XRCC2: variants seen among roughly 807,000 people sequenced by gnomAD.
The protein encoded by XRCC2 is DNA repair protein XRCC2.
A neutral mutation model predicts 27.3 loss-of-function variants in XRCC2; 24 were observed. The observed-to-expected ratio is 0.88, with a 90% CI of 0.64 to 1.24. The LOEUF is 1.24. Among genes scored for constraint, XRCC2 ranks in the 50% most tolerant of loss-of-function variants. XRCC2 has a pLI of 0.00. For synonymous variants in XRCC2, 106 were observed against 115.4 expected (o/e 0.92, Z 0.52); for missense variants, 321 against 325.8 (o/e 0.99, Z 0.11).
At chr7:152,657,971 T>G (rs866115055) in intron 2 of XRCC2, among the ~76,000 whole-genome samples, 1 of 150,370 alleles carries the variant, frequency 6.7e-6, no homozygotes, top group African/African-American at 2.5e-5. Context: ...TTTTTTTTTT[T>G]CTTTTTCTTT....
At chr7:152,650,021 G>C (rs1479488642) in intron 2 of XRCC2, among the ~76,000 whole-genome samples, 1 of 152,182 alleles carries the variant, frequency 6.6e-6, no homozygotes, top group Non-Finnish European at 1.5e-5. Flanking sequence ...GCCACGCACA[G>C]CCTGCCTCTG....
intron 1 of XRCC2, among the ~76,000 whole-genome samples, chr7:152,666,013 G>T (rs2098035468): frequency 6.6e-6 from 1 of 151,984 alleles, no homozygotes; most frequent in Admixed American, 6.6e-5. Flanking sequence ...CATTAAGCCA[G>T]ATATTAAAAA....
At chr7:152,649,681 T>C (rs979895343) in intron 2 of XRCC2, among the ~76,000 whole-genome samples, 5 of 152,176 alleles carry the variant, frequency 3.3e-5, no homozygotes, top group Non-Finnish European at 7.3e-5. Context: ...ACACACCCTT[T>C]CTGGTAGTTG....
chr7:152,648,244 TAAA>T lies in XRCC2; in HGVS notation c.*395_*397del, dbSNP rs373346934. 0.014 allele frequency: 2,126 copies of T among 155,692 alleles called. 46 individuals are homozygous for T. Among genetic ancestry groups the T allele is most frequent in the African/African-American group, 0.048 (1,998 of 41,486 alleles). The allele number at this position is 155,692 out of a possible 1,614,324, so 9.6% of individuals were successfully genotyped here. ...CAACATGGTGAAACCCCGTCTCTAT[TAAA>T]AATACAAAAATTAGCCAGGCGTGGT... On this transcript the variant is annotated 3_prime_UTR_variant, in exon 3 of 3. Transcript: ENST00000359321.
intron 1 of XRCC2, among the ~76,000 whole-genome samples, chr7:152,670,012 AAG>A (rs1175513340): frequency 6.6e-6 from 1 of 152,124 alleles, no homozygotes; most frequent in East Asian, 1.9e-4. Context: ...GAGGGCATAA[AAG>A]AGAGTTGGCC....
At chr7:152,673,075 T>TA (rs1196303549) in intron 1 of XRCC2, among the ~76,000 whole-genome samples, 2 of 152,240 alleles carry the variant, frequency 1.3e-5, no homozygotes, top group Non-Finnish European at 2.9e-5. Context: ...TGGATTGTTC[T>TA]ATTGTAAACT....
chr7:152,658,715 C>CCA (rs3218481), intron 2 of XRCC2, among the ~76,000 whole-genome samples: 144,278 of 152,268 alleles, frequency 0.95, 68,406 homozygotes, highest in Admixed American at 0.96. Context: ...ATTTCATTTA[C>CCA]CAATGTCCTC....
chr7:152,667,428 A>ATG (rs140038610), intron 1 of XRCC2, among the ~76,000 whole-genome samples: 1 of 77,926 alleles, frequency 1.3e-5, no homozygotes, highest in Non-Finnish European at 2.4e-5. Flanking sequence ...AAAAAAAAAG[A>ATG]AAAAAAGTAT....
At chr7:152,676,017 C>T in intron 1 of XRCC2, 24 bp downstream of exon 1, 1 of 1,613,570 alleles carries the variant, frequency 6.2e-7, no homozygotes, top group South Asian at 1.1e-5. Flanking sequence ...CCATCTCCCT[C>T]ACTCCCAACC....
chr7:152,667,520 C>T (rs1053664150), intron 1 of XRCC2, among the ~76,000 whole-genome samples: 1 of 151,168 alleles, frequency 6.6e-6, no homozygotes, highest in Non-Finnish European at 1.5e-5. Context: ...CAATCTGCAT[C>T]AGACTTTCCA....
At chr7:152,671,133 T>G (rs1369567744) in intron 1 of XRCC2, among the ~76,000 whole-genome samples, 1 of 152,100 alleles carries the variant, frequency 6.6e-6, no homozygotes, top group African/African-American at 2.4e-5. Flanking sequence ...CAGAATCACT[T>G]GGATATGGGA....
intron 1 of XRCC2, among the ~76,000 whole-genome samples, chr7:152,664,573 C>A (rs1328628743): frequency 6.6e-6 from 1 of 152,176 alleles, no homozygotes; most frequent in Non-Finnish European, 1.5e-5. Context: ...CATTCTCGAG[C>A]CTTTAAAGCC....
intron 2 of XRCC2, among the ~76,000 whole-genome samples, chr7:152,652,724 T>C (rs2098029063): frequency 6.6e-6 from 1 of 151,932 alleles, no homozygotes; most frequent in Admixed American, 6.6e-5. Context: ...TCAGTTACCT[T>C]CTTCTCAAGA....
At position 152,647,751 on chromosome 7, in the gene XRCC2, G is replaced by C. The variant is rs1429892216; in HGVS notation, c.*891C>G. On this transcript the variant is annotated 3_prime_UTR_variant, in exon 3 of 3. Coordinates refer to ENST00000359321, the MANE Select transcript of XRCC2 (RefSeq NM_005431.2). Reference sequence around the variant, plus strand: ...CTAAATTCTCTATTCTGTTCCATCAGTCTACGTGTGTTTTTGTGCCAGTAC... The same window carrying C: ...CTAAATTCTCTATTCTGTTCCATCACTCTACGTGTGTTTTTGTGCCAGTAC... The C allele has an allele frequency of 6.6e-6, 1 of 152,126 alleles. No individual in the cohort carries two copies. Among genetic ancestry groups the C allele is most frequent in the Non-Finnish European group, 1.5e-5 (1 of 68,032 alleles). The allele number at this position is 152,126 out of a possible 1,614,324, so 9.4% of individuals were successfully genotyped here. A position where few individuals can be genotyped will look rare whatever the true frequency, so the allele number is the denominator to read the frequency against.
intron 1 of XRCC2, among the ~76,000 whole-genome samples, chr7:152,675,819 C>T (rs2098040766): frequency 6.6e-6 from 1 of 152,126 alleles, no homozygotes. Flanking sequence ...GCCCGGTCCT[C>T]CCACCTCGGA....
chr7:152,674,527 G>A (rs980800926), intron 1 of XRCC2, among the ~76,000 whole-genome samples: 6 of 151,330 alleles, frequency 4.0e-5, no homozygotes, highest in African/African-American at 1.5e-4. Context: ...CAGGACAATC[G>A]CTTGAACCCG....
chr7:152,656,688 T>G (rs528575498), intron 2 of XRCC2, among the ~76,000 whole-genome samples: 3 of 152,344 alleles, frequency 2.0e-5, no homozygotes, highest in African/African-American at 7.2e-5. Context: ...ACAAACCCAT[T>G]TTAACATATT....
In XRCC2 at chr7:152,648,290, C is replaced by T. The variant is rs1183135443; in HGVS notation, c.*352G>A. 1 of 166,764 alleles carries T rather than the reference C, an allele frequency of 6.0e-6. No individual in the cohort carries two copies. Among genetic ancestry groups the T allele is most frequent in the African/African-American group, 2.4e-5 (1 of 41,850 alleles). The allele number at this position is 166,764 out of a possible 1,614,324, so 10.3% of individuals were successfully genotyped here. A position where few individuals can be genotyped will look rare whatever the true frequency, so the allele number is the denominator to read the frequency against. ...GGCGTGGTGGTGGGTGCCTGTAATC[C>T]CAGCTACCTGGGAGGCTGAGGTGGA... On this transcript the variant is annotated 3_prime_UTR_variant, in exon 3 of 3. Transcript: ENST00000359321.
chr7:152,647,643 T>C lies in XRCC2; in HGVS notation c.*999A>G, dbSNP rs1033129682. 2 of 152,228 alleles carry C rather than the reference T, an allele frequency of 1.3e-5. No homozygotes were observed. Among genetic ancestry groups the C allele is most frequent in the Non-Finnish European group, 2.9e-5 (2 of 68,034 alleles). The allele number at this position is 152,228 out of a possible 1,614,324, so 9.4% of individuals were successfully genotyped here. A position where few individuals can be genotyped will look rare whatever the true frequency, so the allele number is the denominator to read the frequency against. On this transcript the variant is annotated 3_prime_UTR_variant, in exon 3 of 3. Transcript: ENST00000359321. ...TGGCCAGTTATCCCAGCACGATTTA[T>C]TGAATAGAGAATCCATTGCCCATTG...
Sources: gnomAD v4.1 joint callset for allele counts (sites outside exome capture counted in the v4.1 genomes callset) on GRCh38, gnomAD v4.1.1 for gene constraint, MANE v1.5 for transcripts, NCBI Gene and HGNC (gene_info 2026-07-23, HGNC 2026-07-21) for gene names.